The following ARHGEF7 variants were observed in gnomAD, a reference collection of about 807,000 sequenced individuals.
The protein encoded by ARHGEF7 is Rho guanine nucleotide exchange factor 7.
ARHGEF7 carries 33 observed loss-of-function variants against 109.8 expected under a neutral mutation model. That is an observed-to-expected ratio of 0.30 (90% CI 0.23 to 0.40). The LOEUF is 0.40. ARHGEF7 is among the 10% of genes least tolerant of loss of function. The pLI, the probability that ARHGEF7 is intolerant of heterozygous loss-of-function variation, is 1.00. For missense variants in ARHGEF7, 938 were observed against 1,098.5 expected (o/e 0.85, Z 2.07); for synonymous variants, 458 against 424.6 (o/e 1.08, Z -0.97).
chr13:111,157,861 C>G (rs976292534), intron 2 of ARHGEF7, among the ~76,000 whole-genome samples: 1 of 152,146 alleles, frequency 6.6e-6, no homozygotes, highest in Non-Finnish European at 1.5e-5. Flanking sequence ...TGTTCCCACC[C>G]TATGCAACAT....
rs202171987 is a variant in ARHGEF7 at position 111,217,891 on chromosome 13, G to A, written c.670+11G>A. The stretch of plus-strand genomic sequence containing the variant: ...AGGTCAAGGCCAGCGGTAAGTGGCC[G>A]AGCCTGGGCTGTGTGTGGCTTTTTG... On this transcript the variant is annotated intron_variant, in intron 5 of 21. Coordinates refer to ENST00000646102, the MANE Select transcript of ARHGEF7 (RefSeq NM_001354046.2). The A allele has an allele frequency of 6.9e-6, 11 of 1,600,462 alleles. No homozygotes were observed. The East Asian group carries it at 1.3e-4, about 20-fold the overall frequency.
rs557889833 is a variant in ARHGEF7 at position 111,276,005 on chromosome 13, G to A, written c.1419+327G>A. 18 of 294,364 alleles carry A rather than the reference G, an allele frequency of 6.1e-5. 1 individual carries two copies. The South Asian group carries it at 6.5e-4, about 11-fold the overall frequency. The allele number at this position is 294,364 out of a possible 1,614,324, so 18.2% of individuals were successfully genotyped here. On this transcript the variant is annotated intron_variant, in intron 12 of 21. Coordinates refer to ENST00000646102, the MANE Select transcript of ARHGEF7 (RefSeq NM_001354046.2). ...GCATGGAGCTGTATGCGCTTATCTG[G>A]CCAGCAACTTTGTACCAAGGCTCAC...
intron 2 of ARHGEF7, among the ~76,000 whole-genome samples, chr13:111,199,924 C>T (rs1401928341): frequency 1.3e-5 from 2 of 152,222 alleles, no homozygotes; most frequent in Non-Finnish European, 2.9e-5. Context: ...TCCACATTTG[C>T]ATGGGCTCAC....
chr13:111,186,823 C>CA (rs1196747014), intron 2 of ARHGEF7: 2 of 985,314 alleles, frequency 2.0e-6, no homozygotes, highest in Non-Finnish European at 2.4e-6. Context: ...CGCTCAGTCC[C>CA]ACATTGCAGA....
intron 6 of ARHGEF7, 115 bp downstream of exon 6, chr13:111,233,408 C>T (rs989885853): frequency 8.8e-6 from 7 of 796,190 alleles, no homozygotes; most frequent in Non-Finnish European, 1.5e-5. Context: ...AAAGTTCATT[C>T]ATCTGCCACA....
At position 111,283,141 on chromosome 13, in the gene ARHGEF7, C is replaced by T. The variant is rs1164951891; in HGVS notation, c.1728C>T (p.Leu576=). 4.4e-6 allele frequency: 7 copies of T among 1,582,456 alleles called. No homozygotes were observed. In the Admixed American group the frequency reaches 7.3e-5, roughly 16 times the overall value. The change falls in exon 16 of 22, where the codon CTC becomes CTT. Residue 576 remains leucine (L), a splice_region_variant and synonymous_variant. Transcript: ENST00000646102. ...IKPHSVPSHT[L]PSHPVTPSSK... ...TTCCCGCTCTGTGCCCTTGGCAGCT[C>T]CCCTCCCACCCGGTCACTCCGTCCA...
At chr13:111,295,144 A>G (rs1355085934) in intron 19 of ARHGEF7, 1 of 984,474 alleles carries the variant, frequency 1.0e-6, no homozygotes, top group Non-Finnish European at 1.2e-6. Flanking sequence ...TTTGTTTTAT[A>G]TTAAAAAAAA....
At chr13:111,233,120 T>A (rs2086326339) in intron 5 of ARHGEF7, 85 bp from the exon 6 acceptor site, 2 of 1,112,210 alleles carry the variant, frequency 1.8e-6, no homozygotes, top group Non-Finnish European at 2.7e-6. Flanking sequence ...GGCTGCTGGA[T>A]GAGTATCCTT....
chr13:111,263,846 C>T (rs910379219), intron 8 of ARHGEF7, among the ~76,000 whole-genome samples: 2 of 152,182 alleles, frequency 1.3e-5, no homozygotes, highest in African/African-American at 4.8e-5. Context: ...GTTTGTAGCT[C>T]CTGTCACTGA....
intron 4 of ARHGEF7, among the ~76,000 whole-genome samples, chr13:111,216,386 T>C (rs548161784): frequency 1.3e-5 from 2 of 152,280 alleles, no homozygotes; most frequent in East Asian, 3.9e-4. Flanking sequence ...GAGAAGCCAG[T>C]GTGGGCAGAT....
intron 13 of ARHGEF7, 28 bp from the exon 14 acceptor site, chr13:111,280,244 T>C (rs754419968): frequency 2.5e-6 from 4 of 1,591,256 alleles, no homozygotes; most frequent in Non-Finnish European, 3.4e-6. Context: ...TAATTGTTTT[T>C]TTTTTTGTGG....
intron 2 of ARHGEF7, among the ~76,000 whole-genome samples, chr13:111,177,015 C>A (rs1594323534): frequency 6.6e-6 from 1 of 152,246 alleles, no homozygotes; most frequent in Admixed American, 6.5e-5. Context: ...CCTTGGCCTC[C>A]CAGAGTGCTG....
intron 5 of ARHGEF7, among the ~76,000 whole-genome samples, chr13:111,230,988 G>A (rs374176663): frequency 6.6e-6 from 1 of 152,130 alleles, no homozygotes. Flanking sequence ...GTGGTGTTGA[G>A]TTGTGAGGTA....
intron 2 of ARHGEF7, among the ~76,000 whole-genome samples, chr13:111,165,346 C>T (rs935008002): frequency 7.9e-5 from 12 of 152,192 alleles, no homozygotes; most frequent in Non-Finnish European, 1.5e-4. Context: ...TGTGGGCAGC[C>T]GGGTAAGTCT....
chr13:111,124,588 C>T (rs1398852332), intron 1 of ARHGEF7, among the ~76,000 whole-genome samples: 1 of 152,208 alleles, frequency 6.6e-6, no homozygotes. Context: ...GGCTGGGGCC[C>T]CTAGGCCTGC....
chr13:111,234,443 G>C (rs2086518464), intron 6 of ARHGEF7, among the ~76,000 whole-genome samples: 1 of 152,192 alleles, frequency 6.6e-6, no homozygotes, highest in Admixed American at 6.5e-5. Context: ...GCTCTGTGCA[G>C]CTCTGTTAAA....
Position 111,280,377 on chromosome 13 carries a change from T to C in ARHGEF7, c.1585+27T>C, listed in dbSNP as rs780213471. The C allele has an allele frequency of 3.7e-6, 6 of 1,604,860 alleles. No individual in the cohort carries two copies. The Admixed American group carries it at 5.1e-5, about 14-fold the overall frequency. ...TGATAGGCACAAGCTGTGTGAGTGC[T>C]GTGTCTCGGGGAGGAGAGGCAGCTT... On this transcript the variant is annotated intron_variant, in intron 14 of 21. Coordinates refer to ENST00000646102, the MANE Select transcript of ARHGEF7 (RefSeq NM_001354046.2).
intron 2 of ARHGEF7, among the ~76,000 whole-genome samples, chr13:111,187,284 G>A (rs766203074): frequency 3.3e-5 from 5 of 152,188 alleles, no homozygotes; most frequent in Non-Finnish European, 5.9e-5. Flanking sequence ...ATTGGTTCAC[G>A]TGGTGGGCTC....
chr13:111,183,193 G>A (rs542193414), intron 2 of ARHGEF7, among the ~76,000 whole-genome samples: 34 of 152,314 alleles, frequency 2.2e-4, no homozygotes, highest in Non-Finnish European at 2.8e-4. Flanking sequence ...TTGCACGCAC[G>A]CTATGTCATT....
Sources: gnomAD v4.1 joint callset for allele counts (sites outside exome capture counted in the v4.1 genomes callset) on GRCh38, gnomAD v4.1.1 for gene constraint, MANE v1.5 for transcripts, NCBI Gene and HGNC (gene_info 2026-07-23, HGNC 2026-07-21) for gene names.